TPSD1: variants seen among roughly 807,000 people sequenced by gnomAD.
TPSD1 encodes the protein tryptase delta.
A neutral mutation model predicts 25.4 loss-of-function variants in TPSD1; 30 were observed. That is an observed-to-expected ratio of 1.18 (90% CI 0.88 to 1.60). TPSD1 has a LOEUF of 1.60. Ranked by LOEUF, TPSD1 falls within the 40% of genes most tolerant of loss-of-function variation. The probability of loss-of-function intolerance (pLI) is 0.00; values close to 1 mark genes in which losing one functional copy is unlikely to be tolerated. For synonymous variants in TPSD1, 176 were observed against 149.4 expected, an observed-to-expected ratio of 1.18 and a Z score of -1.30; for missense variants, 420 against 324.2, an observed-to-expected ratio of 1.30 and a Z score of -2.27.
At chr16:1,257,859 G>T (rs1261553414) in intron 3 of TPSD1, 200 bp from the exon 4 acceptor site, 7 of 636,634 alleles carry the variant, frequency 1.1e-5, no homozygotes, top group African/African-American at 3.7e-5. Context: ...CCCAGATGGG[G>T]CTTAAATGAG....
rs1260135097 is a variant in TPSD1 at position 1,257,339 on chromosome 16, G to T, written c.520+277G>T. On this transcript the variant is annotated intron_variant, in intron 3 of 4. Transcript: ENST00000211076. ...GCCTGAAAGGGTGCATCAAAAGTTTGTACGTCACGGACTTGCTATGTGGAG... is the reference window on the plus strand; with the variant it reads ...GCCTGAAAGGGTGCATCAAAAGTTTTTACGTCACGGACTTGCTATGTGGAG... 5 of 542,962 alleles carry T rather than the reference G, an allele frequency of 9.2e-6. No homozygotes were observed. In the East Asian group the frequency reaches 1.2e-4, roughly 13 times the overall value. 33.6% of individuals were successfully genotyped at this position (542,962 alleles called of 1,614,324 possible). A position where few individuals can be genotyped will look rare whatever the true frequency, so the allele number is the denominator to read the frequency against.
rs868646394 is a variant in TPSD1 at position 1,258,655 on chromosome 16, C to G, written c.*279C>G. On this transcript the variant is annotated 3_prime_UTR_variant, in exon 5 of 5. Coordinates refer to ENST00000211076, the MANE Select transcript of TPSD1 (RefSeq NM_012217.3). ...CTGTCCCCTGTCCTGAGCCCCCTCC[C>G]CTTTCTTGATCCCCTCCCCCATCCT... The G allele has an allele frequency of 6.5e-6, 4 of 619,780 alleles. No individual in the cohort carries two copies. The African/African-American group carries it at 9.1e-5, about 14-fold the overall frequency. The allele number at this position is 619,780 out of a possible 1,614,324, so 38.4% of individuals were successfully genotyped here.
intron 3 of TPSD1, chr16:1,257,498 G>T: frequency 3.9e-6 from 1 of 256,374 alleles, no homozygotes; most frequent in South Asian, 7.7e-5. Context: ...GTGGGGGGCT[G>T]GACGAAGCTC....
In TPSD1 at chr16:1,256,858, G is replaced by A; in HGVS notation, c.316G>A (p.Asp106Asn). 1 of 1,613,482 alleles carries A rather than the reference G, an allele frequency of 6.2e-7. No individual in the cohort carries two copies. The highest frequency in any genetic ancestry group is 8.5e-7 in the Non-Finnish European group (1 of 1,180,010). The change falls in exon 3 of 5, where the codon GAC becomes AAC. Residue 106 changes from aspartate (D) to asparagine (N), a missense_variant. Transcript: ENST00000211076. ...QLREQHLYYQ[D>N]QLLPVSRIIV... ...GCGGGAGCAGCACCTCTACTACCAGGACCAGCTGCTGCCGGTCAGCAGGAT... is the reference window on the plus strand; with the variant it reads ...GCGGGAGCAGCACCTCTACTACCAGAACCAGCTGCTGCCGGTCAGCAGGAT...
At chr16:1,257,934 G>C in intron 3 of TPSD1, 125 bp from the exon 4 acceptor site, 2 of 1,061,430 alleles carry the variant, frequency 1.9e-6, no homozygotes, top group Non-Finnish European at 2.7e-6. Flanking sequence ...CTTCCCCGGG[G>C]CTGCAGGCAC....
rs372963194 is a variant in TPSD1, at chr16:1,258,181, G to T, written c.643G>T (p.Asp215Tyr). The T allele has an allele frequency of 1.9e-4, 308 of 1,613,074 alleles. No homozygotes were observed. The highest frequency in any genetic ancestry group is 2.0e-4 in the Non-Finnish European group (234 of 1,179,914). ...CCACAGCTTTCAAATCGTCCGCGAT[G>T]ACATGCTGTGTGCGGGGAGCGAAAA... ...TGHSFQIVRD[D>Y]MLCAGSENHD... Residue 215 changes from aspartate (D) to tyrosine (Y), a missense_variant, in exon 4 of 5, where the codon GAC becomes TAC. Coordinates refer to ENST00000211076, the MANE Select transcript of TPSD1 (RefSeq NM_012217.3).
At chr16:1,257,207 A>G in intron 3 of TPSD1, 145 bp downstream of exon 3, 1 of 1,194,994 alleles carries the variant, frequency 8.4e-7, no homozygotes, top group South Asian at 1.5e-5. Context: ...CGGTGGCGAG[A>G]GGCAGCAGGT....
In TPSD1 at chr16:1,256,252, C is replaced by G. The variant is rs372143163; in HGVS notation, c.-29C>G. 3.1e-5 allele frequency: 50 copies of G among 1,613,048 alleles called. No individual in the cohort carries two copies. The African/African-American group carries it at 5.3e-4, about 17-fold the overall frequency. ...ACCCCACAATCTGTAGCCCCCAGCC[C>G]TGCCCTGTGAGGCCCGGCCAGGCCC... On this transcript the variant is annotated 5_prime_UTR_variant, in exon 1 of 5. Coordinates refer to ENST00000211076, the MANE Select transcript of TPSD1 (RefSeq NM_012217.3).
In TPSD1 at chr16:1,256,543, G is replaced by T; in HGVS notation, c.110G>T (p.Gly37Val). The change falls in exon 2 of 5, where the codon GGC becomes GTC. Residue 37 changes from glycine to valine, a missense_variant. Transcript: ENST00000211076. ...PAPGQALQQTGIVGGQEAPRS... is the reference protein window; with the variant it reads ...PAPGQALQQTVIVGGQEAPRS... Reference sequence around the variant, plus strand: ...CCAGGCCAGGCCCTGCAGCAAACGGGCATTGTTGGGGGGCAGGAGGCCCCC... The same window carrying T: ...CCAGGCCAGGCCCTGCAGCAAACGGTCATTGTTGGGGGGCAGGAGGCCCCC... 6.2e-7 allele frequency: 1 copy of T among 1,602,424 alleles called. No individual in the cohort carries two copies. The highest frequency in any genetic ancestry group is 8.5e-7 in the Non-Finnish European group (1 of 1,177,448).
rs772831836 is a variant in TPSD1, at chr16:1,256,921, G to T, written c.379G>T (p.Ala127Ser). The T allele has an allele frequency of 6.2e-7, 1 of 1,613,966 alleles. No individual in the cohort carries two copies. The highest frequency in any genetic ancestry group is 8.5e-7 in the Non-Finnish European group (1 of 1,180,022). Residue 127 changes from alanine to serine, a missense_variant, in exon 3 of 5, where the codon GCG becomes TCG. By Grantham distance (99) the Ala-to-Ser change is moderately conservative (BLOSUM62 1). Transcript: ENST00000211076. The stretch of plus-strand genomic sequence containing the variant: ...ACAGTTCTACATCATCCAGACCGGG[G>T]CGGACATCGCCCTGCTGGAGCTGGA... ...HPQFYIIQTG[A>S]DIALLELEEP...
chr16:1,258,162 C>G lies in TPSD1; in HGVS notation c.624C>G (p.Ser208Arg), dbSNP rs776692239. ...EYHTGLHTGH[S>R]FQIVRDDMLC... ...ACACCGGCCTCCATACGGGCCACAG[C>G]TTTCAAATCGTCCGCGATGACATGC... Residue 208 changes from serine to arginine, a missense_variant, in exon 4 of 5, where the codon AGC becomes AGG. Physicochemically the swap from Ser to Arg is moderately radical, Grantham distance 110. Coordinates refer to ENST00000211076, the MANE Select transcript of TPSD1 (RefSeq NM_012217.3). The G allele has an allele frequency of 1.2e-6, 2 of 1,612,936 alleles. No individual in the cohort carries two copies. Among genetic ancestry groups the G allele is most frequent in the Non-Finnish European group, 1.7e-6 (2 of 1,179,808 alleles).
At position 1,256,604 on chromosome 16, in the gene TPSD1, C is replaced by G. The variant is rs779612929; in HGVS notation, c.171C>G (p.Val57=). The G allele has an allele frequency of 1.9e-5, 31 of 1,612,796 alleles. No homozygotes were observed. The East Asian group carries it at 6.9e-4, about 36-fold the overall frequency. ...SKWPWQVSLR[V]RGPYWMHFCG... ...GGCCCTGGCAGGTGAGCCTGAGAGT[C>G]CGCGGCCCATACTGGATGCACTTCT... is the stretch of plus-strand genomic sequence containing the variant. Residue 57 remains valine (V), a synonymous_variant, in exon 2 of 5, where the codon GTC becomes GTG. Coordinates refer to ENST00000211076, the MANE Select transcript of TPSD1 (RefSeq NM_012217.3).
rs1221459476 is a variant in TPSD1 at position 1,258,857 on chromosome 16, C to T, written c.*481C>T. The stretch of plus-strand genomic sequence containing the variant: ...GCCCCTCCTCCATCCTGAGCCCCCT[C>T]CTCCATCCTGCCCCCTCCTCCATCC... On this transcript the variant is annotated 3_prime_UTR_variant, in exon 5 of 5. Coordinates refer to ENST00000211076, the MANE Select transcript of TPSD1 (RefSeq NM_012217.3). 1.7e-5 allele frequency: 1 copy of T among 59,996 alleles called. No homozygotes were observed. Among genetic ancestry groups the T allele is most frequent in the Non-Finnish European group, 3.4e-5 (1 of 29,138 alleles). The allele number at this position is 59,996 out of a possible 1,614,324, so 3.7% of individuals were successfully genotyped here.
At position 1,256,556 on chromosome 16, in the gene TPSD1, G is replaced by T. The variant is rs2401932; in HGVS notation, c.123G>T (p.Gly41=). 3.9e-3 allele frequency: 6,246 copies of T among 1,595,560 alleles called. 22 individuals are homozygous for T. The highest frequency in any genetic ancestry group is 5.3e-3 in the African/African-American group (364 of 68,538). The change falls in exon 2 of 5, where the codon GGG becomes GGT. Residue 41 remains glycine (G), a synonymous_variant. Transcript: ENST00000211076. The part of the protein sequence containing the change: ...QALQQTGIVG[G]QEAPRSKWPW... ...TGCAGCAAACGGGCATTGTTGGGGG[G>T]CAGGAGGCCCCCAGGAGCAAGTGGC...
chr16:1,257,316 C>T, intron 3 of TPSD1: 1 of 569,874 alleles, frequency 1.8e-6, no homozygotes, highest in Admixed American at 3.1e-5. Flanking sequence ...TTCCCCTTGC[C>T]TGAAAGGGTG....
At chr16:1,257,723 C>T (rs74981201) in intron 3 of TPSD1, among the ~76,000 whole-genome samples, 1,774 of 152,282 alleles carry the variant, frequency 0.012, 41 homozygotes, top group African/African-American at 0.04. Context: ...CGGCTAGGGC[C>T]AACCGTGGAC....
Position 1,256,576 on chromosome 16 carries a change from A to T in TPSD1, c.143A>T (p.Lys48Met). The T allele has an allele frequency of 6.2e-7, 1 of 1,612,470 alleles. No individual in the cohort carries two copies. The highest frequency in any genetic ancestry group is 1.1e-5 in the South Asian group (1 of 91,024). Residue 48 changes from lysine (K) to methionine (M), a missense_variant, in exon 2 of 5, where the codon AAG becomes ATG. Physicochemically the swap from Lys to Met is moderately conservative, Grantham distance 95. Transcript: ENST00000211076. Reference protein sequence around the residue: ...IVGGQEAPRSKWPWQVSLRVR... With the variant: ...IVGGQEAPRSMWPWQVSLRVR... The stretch of plus-strand genomic sequence containing the variant: ...GGGGGGCAGGAGGCCCCCAGGAGCA[A>T]GTGGCCCTGGCAGGTGAGCCTGAGA...
chr16:1,258,553 C>T lies in TPSD1; in HGVS notation c.*177C>T, dbSNP rs2141449718. 1.3e-6 allele frequency: 2 copies of T among 1,579,398 alleles called. No individual in the cohort carries two copies. The highest frequency in any genetic ancestry group is 8.6e-7 in the Non-Finnish European group (1 of 1,160,090). The stretch of plus-strand genomic sequence containing the variant: ...GAGGGCCAGCCCCTCCTGTCCAAAC[C>T]ACCACTGCTTCCTACCCAGGTGGTG... On this transcript the variant is annotated 3_prime_UTR_variant, in exon 5 of 5. Transcript: ENST00000211076.
rs1484812775 is a variant in TPSD1, at chr16:1,256,862, A to C, written c.320A>C (p.Gln107Pro). The part of the protein sequence containing the change: ...LREQHLYYQD[Q>P]LLPVSRIIVH... ...GAGCAGCACCTCTACTACCAGGACC[A>C]GCTGCTGCCGGTCAGCAGGATCATC... Residue 107 changes from glutamine to proline, a missense_variant, in exon 3 of 5, where the codon CAG becomes CCG. Coordinates refer to ENST00000211076, the MANE Select transcript of TPSD1 (RefSeq NM_012217.3). The C allele has an allele frequency of 1.2e-5, 19 of 1,613,490 alleles. No individual in the cohort carries two copies. The highest frequency in any genetic ancestry group is 1.3e-5 in the African/African-American group (1 of 74,930).
Sources: gnomAD v4.1 joint callset for allele counts (sites outside exome capture counted in the v4.1 genomes callset) on GRCh38, gnomAD v4.1.1 for gene constraint, MANE v1.5 for transcripts, NCBI Gene and HGNC (gene_info 2026-07-23, HGNC 2026-07-21) for gene names.